Variants in SVEP1 observed in about 807,000 individuals in gnomAD.
The protein encoded by SVEP1 is sushi, von Willebrand factor type A, EGF and pentraxin domain-containing protein 1.
SVEP1 carries 164 observed loss-of-function variants against 367.3 expected under a neutral mutation model. That is an observed-to-expected ratio of 0.45 (90% CI 0.39 to 0.51). SVEP1 has a LOEUF of 0.51. Ranked by LOEUF, SVEP1 falls within the 20% of genes least tolerant of loss-of-function variation. The pLI, the probability that SVEP1 is intolerant of heterozygous loss-of-function variation, is 0.00. For synonymous variants in SVEP1, 1,666 were observed against 1,611.6 expected, an observed-to-expected ratio of 1.03 and a Z score of -0.81; for missense variants, 4,117 against 4,425.3, an observed-to-expected ratio of 0.93 and a Z score of 1.98.
At chr9:110,388,966 TTAAAAATAAAAA>T (rs61005301) in intron 41 of SVEP1, among the ~76,000 whole-genome samples, 29,398 of 151,948 alleles carry the variant, frequency 0.19, 2,975 homozygotes, top group Middle Eastern at 0.32. Flanking sequence ...GAGACTCTAT[TTAAAAATAAAAA>T]TAAAAATACA....
At chr9:110,521,831 A>C (rs1295063135) in intron 3 of SVEP1, among the ~76,000 whole-genome samples, 2 of 152,190 alleles carry the variant, frequency 1.3e-5, no homozygotes, top group African/African-American at 2.4e-5. Context: ...TAAAATAGCT[A>C]ATAACTCAGA....
intron 14 of SVEP1, among the ~76,000 whole-genome samples, chr9:110,475,010 T>C (rs1212453649): frequency 6.6e-6 from 1 of 150,882 alleles, no homozygotes; most frequent in Non-Finnish European, 1.5e-5. Flanking sequence ...ATATATAGTA[T>C]GGTATATATA....
At chr9:110,540,332 A>G (rs1830128915) in intron 3 of SVEP1, among the ~76,000 whole-genome samples, 1 of 152,084 alleles carries the variant, frequency 6.6e-6, no homozygotes, top group South Asian at 2.1e-4. Flanking sequence ...ACCCAGAATA[A>G]TATTTTCTCC....
intron 37 of SVEP1, among the ~76,000 whole-genome samples, chr9:110,410,014 T>TAA (rs1828022358): frequency 9.5e-6 from 1 of 104,962 alleles, no homozygotes; most frequent in Non-Finnish European, 1.7e-5. Flanking sequence ...TTTATTAAAT[T>TAA]TATAAATGAA....
intron 17 of SVEP1, among the ~76,000 whole-genome samples, chr9:110,468,096 T>C (rs1250213101): frequency 6.6e-6 from 1 of 152,234 alleles, no homozygotes; most frequent in Admixed American, 6.5e-5. Flanking sequence ...TAAAACTCTT[T>C]TCTTTATAAA....
chr9:110,450,467 G>GT (rs10656079), intron 23 of SVEP1, among the ~76,000 whole-genome samples: 7,879 of 101,958 alleles, frequency 0.077, 649 homozygotes, highest in Non-Finnish European at 0.089. Flanking sequence ...TTGATAATCT[G>GT]TTTTTTTTTT....
At chr9:110,509,818 T>C (rs1271477189) in intron 5 of SVEP1, among the ~76,000 whole-genome samples, 1 of 152,266 alleles carries the variant, frequency 6.6e-6, no homozygotes, top group East Asian at 1.9e-4. Context: ...CATCAATGAT[T>C]GAGGGGCAGA....
intron 1 of SVEP1, among the ~76,000 whole-genome samples, chr9:110,564,106 A>G (rs1439316540): frequency 6.6e-6 from 1 of 152,202 alleles, no homozygotes; most frequent in Non-Finnish European, 1.5e-5. Flanking sequence ...ACTGCAAAAA[A>G]TACGAGCTAC....
Position 110,571,309 on chromosome 9 carries a change from G to T in SVEP1, c.531+7704C>A, listed in dbSNP as rs186917962. On this transcript the variant is annotated intron_variant, in intron 1 of 47. Coordinates refer to ENST00000374469, the MANE Select transcript of SVEP1 (RefSeq NM_153366.4). ...ATTTTCCTTCTTTTTCAGCAATAAA[G>T]CTCCATAAAACTAAGGGTAAGCATG... Among the ~76,000 whole-genome samples, 194 of 152,242 alleles carry T rather than the reference G, an allele frequency of 1.3e-3. 1 individual carries two copies. The highest frequency in any genetic ancestry group is 2.2e-3 in the Non-Finnish European group (153 of 68,018).
At chr9:110,567,979 C>T (rs906499349) in intron 1 of SVEP1, among the ~76,000 whole-genome samples, 3 of 152,212 alleles carry the variant, frequency 2.0e-5, no homozygotes, top group African/African-American at 7.2e-5. Flanking sequence ...ATACCTGAGA[C>T]CTATCACCCT....
chr9:110,399,956 T>G (rs575428081), intron 40 of SVEP1, among the ~76,000 whole-genome samples: 4 of 152,254 alleles, frequency 2.6e-5, no homozygotes, highest in Non-Finnish European at 5.9e-5. Flanking sequence ...GATACGGTAA[T>G]GCTTTCAGCA....
chr9:110,453,156 T>C (rs954019310), intron 22 of SVEP1, among the ~76,000 whole-genome samples: 8 of 152,126 alleles, frequency 5.3e-5, no homozygotes, highest in Non-Finnish European at 8.8e-5. Context: ...TTTTAAAATA[T>C]AGAAAATTAT....
chr9:110,412,299 G>C (rs141815530), intron 36 of SVEP1, among the ~76,000 whole-genome samples: 6 of 152,262 alleles, frequency 3.9e-5, no homozygotes, highest in African/African-American at 1.4e-4. Context: ...GTTATGTACT[G>C]ACACCTAGAG....
chr9:110,416,390 T>C (rs1038604182), intron 36 of SVEP1, among the ~76,000 whole-genome samples: 1 of 151,938 alleles, frequency 6.6e-6, no homozygotes, highest in Non-Finnish European at 1.5e-5. Flanking sequence ...AATGGACATA[T>C]TCAAAAACAG....
chr9:110,471,673 A>C, intron 15 of SVEP1, 76 bp from the exon 16 acceptor site: 1 of 1,101,300 alleles, frequency 9.1e-7, no homozygotes, highest in Non-Finnish European at 1.3e-6. Context: ...ATTTTTTACC[A>C]AACAGAAATA....
intron 9 of SVEP1, among the ~76,000 whole-genome samples, chr9:110,487,244 C>T (rs12115432): frequency 0.028 from 4,293 of 152,280 alleles, 193 homozygotes; most frequent in African/African-American, 0.098. Flanking sequence ...GATGAGCCAT[C>T]ACACCTGGCC....
intron 12 of SVEP1, among the ~76,000 whole-genome samples, chr9:110,480,684 T>C (rs535031465): frequency 6.6e-6 from 1 of 152,184 alleles, no homozygotes; most frequent in South Asian, 2.1e-4. Flanking sequence ...CAAGCTGAAG[T>C]ACAGTGATGT....
intron 3 of SVEP1, among the ~76,000 whole-genome samples, chr9:110,539,138 T>C (rs892511044): frequency 6.6e-6 from 1 of 152,074 alleles, no homozygotes; most frequent in African/African-American, 2.4e-5. Flanking sequence ...CTTGAGCACT[T>C]ACTTACTATA....
intron 46 of SVEP1, among the ~76,000 whole-genome samples, chr9:110,371,371 C>T (rs954708789): frequency 1.3e-5 from 2 of 152,174 alleles, no homozygotes; most frequent in African/African-American, 4.8e-5. Flanking sequence ...TTCCCTATCA[C>T]GTCGGTGGTC....
Sources: gnomAD v4.1 joint callset for allele counts (sites outside exome capture counted in the v4.1 genomes callset) on GRCh38, gnomAD v4.1.1 for gene constraint, MANE v1.5 for transcripts, NCBI Gene and HGNC (gene_info 2026-07-23, HGNC 2026-07-21) for gene names.